Variants in SWT1 observed in about 807,000 individuals in gnomAD.
SWT1 encodes the protein SWT1 RNA endoribonuclease homolog.
A neutral mutation model predicts 107.3 loss-of-function variants in SWT1; 33 were observed. The ratio of observed to expected loss-of-function variants is 0.31; its 90% CI spans 0.23 to 0.41. The LOEUF is 0.41. Ranked by LOEUF, SWT1 falls within the 10% of genes least tolerant of loss-of-function variation. The pLI is 1.00. For synonymous variants in SWT1, 345 were observed against 348.3 expected (o/e 0.99, Z 0.11); for missense variants, 898 against 1,028.9 (o/e 0.87, Z 1.74).
At chr1:185,229,835 T>TA (rs943244651) in intron 15 of SWT1, among the ~76,000 whole-genome samples, 1 of 152,102 alleles carries the variant, frequency 6.6e-6, no homozygotes, top group Non-Finnish European at 1.5e-5. Flanking sequence ...TGGTTTTATC[T>TA]AAAAAATAGC....
intron 7 of SWT1, among the ~76,000 whole-genome samples, chr1:185,182,668 C>CAAAAAA (rs59326029): frequency 1.2e-3 from 82 of 66,982 alleles, no homozygotes; most frequent in Non-Finnish European, 1.7e-3. Flanking sequence ...CTCTCTCTCT[C>CAAAAAA]AAAAAAAAAA....
intron 7 of SWT1, among the ~76,000 whole-genome samples, chr1:185,182,668 CAAAAAAAAAAAAAA>C (rs59326029): frequency 1.0e-4 from 7 of 67,024 alleles, no homozygotes; most frequent in African/African-American, 3.4e-4. Context: ...CTCTCTCTCT[CAAAAAAAAAAAAAA>C]AAAAAAAAAA....
chr1:185,181,832 A>AT (rs1656041738), intron 6 of SWT1, 114 bp from the exon 7 acceptor site: 1 of 1,082,480 alleles, frequency 9.2e-7, no homozygotes, highest in African/African-American at 1.6e-5. Context: ...GTTTTATAAA[A>AT]TTTTTTCTTT....
chr1:185,180,209 T>C (rs1337420120), intron 5 of SWT1, among the ~76,000 whole-genome samples, 182 bp from the exon 6 acceptor site: 2 of 151,920 alleles, frequency 1.3e-5, no homozygotes, highest in Non-Finnish European at 2.9e-5. Flanking sequence ...GGAGTAGGGG[T>C]AGGTGGGTAG....
chr1:185,257,118 TGAG>T (rs1662609552), intron 16 of SWT1, among the ~76,000 whole-genome samples: 1 of 152,140 alleles, frequency 6.6e-6, no homozygotes, highest in African/African-American at 2.4e-5. Flanking sequence ...GGGACCCACT[TGAG>T]GAGGCAGTCT....
intron 16 of SWT1, among the ~76,000 whole-genome samples, chr1:185,241,971 C>T (rs949297912): frequency 6.6e-6 from 1 of 152,048 alleles, no homozygotes; most frequent in Non-Finnish European, 1.5e-5. Context: ...AATGTCTCTT[C>T]GGGTTACATT....
intron 12 of SWT1, 26 bp from the exon 13 acceptor site, chr1:185,206,599 T>A: frequency 1.4e-6 from 2 of 1,390,484 alleles, no homozygotes; most frequent in Non-Finnish European, 1.9e-6. Context: ...TCTAGAGATG[T>A]TAATTTTTTT....
chr1:185,242,123 G>A (rs1426407308), intron 16 of SWT1, among the ~76,000 whole-genome samples: 2 of 152,114 alleles, frequency 1.3e-5, no homozygotes, highest in African/African-American at 4.8e-5. Flanking sequence ...GGCAGTTCTT[G>A]TTATATTATA....
chr1:185,159,718 T>A (rs1653975400), intron 1 of SWT1, among the ~76,000 whole-genome samples: 1 of 152,040 alleles, frequency 6.6e-6, no homozygotes, highest in Admixed American at 6.5e-5. Flanking sequence ...TATTTTAATA[T>A]TTTTTTATAT....
intron 16 of SWT1, among the ~76,000 whole-genome samples, chr1:185,258,803 T>C (rs1034830551): frequency 2.6e-5 from 4 of 152,084 alleles, no homozygotes; most frequent in Non-Finnish European, 5.9e-5. Flanking sequence ...TTGTTTTGCT[T>C]ATCTCTCTTG....
At chr1:185,283,535 G>T (rs988946029) in intron 18 of SWT1, among the ~76,000 whole-genome samples, 1 of 151,200 alleles carries the variant, frequency 6.6e-6, no homozygotes, top group Non-Finnish European at 1.5e-5. Context: ...TGTTTGTTAG[G>T]CAAGTATGTA....
chr1:185,164,065 T>G (rs778354370), intron 2 of SWT1, among the ~76,000 whole-genome samples: 10 of 152,254 alleles, frequency 6.6e-5, no homozygotes, highest in Non-Finnish European at 1.2e-4. Flanking sequence ...GCAGAATGGA[T>G]GTTGCATTAG....
intron 16 of SWT1, among the ~76,000 whole-genome samples, chr1:185,239,426 T>C (rs963175608): frequency 4.6e-5 from 7 of 152,136 alleles, no homozygotes; most frequent in African/African-American, 1.7e-4. Flanking sequence ...TGGTTAAGAT[T>C]GAAAAATTAG....
chr1:185,180,566 C>T, intron 6 of SWT1, 116 bp downstream of exon 6: 1 of 738,038 alleles, frequency 1.4e-6, no homozygotes, highest in South Asian at 1.7e-5. Context: ...AATGATGTCT[C>T]TATTTAAATC....
intron 18 of SWT1, among the ~76,000 whole-genome samples, chr1:185,282,289 G>A (rs1664678718): frequency 6.6e-6 from 1 of 151,892 alleles, no homozygotes; most frequent in Non-Finnish European, 1.5e-5. Context: ...CCACATTTTG[G>A]ATCTACGTGT....
chr1:185,231,553 G>C (rs1262938766), intron 15 of SWT1, 24 bp from the exon 16 acceptor site: 1 of 1,569,700 alleles, frequency 6.4e-7, no homozygotes, highest in Non-Finnish European at 8.7e-7. Flanking sequence ...ATACCTATGA[G>C]TATCTTTTTT....
rs540039299 is a variant in SWT1, at chr1:185,237,802, A to G, written c.2441+6094A>G. Among the ~76,000 whole-genome samples, 45 of 152,220 alleles carry G rather than the reference A, an allele frequency of 3.0e-4. No homozygotes were observed. The South Asian group carries it at 3.5e-3, about 12-fold the overall frequency. ...GTCAGACATTTCTACAGACTCCCCAACTGATGTGGGTGGAACCAGGGTTAA... is the reference window on the plus strand; with the variant it reads ...GTCAGACATTTCTACAGACTCCCCAGCTGATGTGGGTGGAACCAGGGTTAA... On this transcript the variant is annotated intron_variant, in intron 16 of 18. Coordinates refer to ENST00000367500, the MANE Select transcript of SWT1 (RefSeq NM_017673.7).
chr1:185,272,413 AG>A (rs1315629026), intron 17 of SWT1, among the ~76,000 whole-genome samples: 1 of 152,224 alleles, frequency 6.6e-6, no homozygotes, highest in African/African-American at 2.4e-5. Flanking sequence ...GCATATATTC[AG>A]GTCTCAAATT....
At position 185,290,752 on chromosome 1, in the gene SWT1, G is replaced by A; in HGVS notation, c.2652G>A (p.Met884Ile). 6.2e-7 allele frequency: 1 copy of A among 1,611,822 alleles called. No individual in the cohort carries two copies. Residue 884 changes from methionine (M) to isoleucine (I), a missense_variant, in exon 19 of 19, where the codon ATG (methionine) becomes ATA (isoleucine). Physicochemically the swap from Met to Ile is conservative, Grantham distance 10 (BLOSUM62 1). This residue lies in a region of SWT1 where 382 missense variants were observed against 460.0 expected (regional missense o/e 0.83). Coordinates refer to ENST00000367500, the MANE Select transcript of SWT1 (RefSeq NM_017673.7). ...AGCAGTGCAATGCATCTGTTTATAT[G>A]GAGGCCAAAAACAGGGGATGGTGTG... ...TMQQCNASVY[M>I]EAKNRGWCED...
Sources: allele counts gnomAD v4.1 joint callset (sites outside exome capture counted in the v4.1 genomes callset), GRCh38; gene constraint gnomAD v4.1.1; regional missense constraint gnomAD v4.1.1; transcripts MANE v1.5; gene names NCBI Gene and HGNC (gene_info 2026-07-23, HGNC 2026-07-21).